Variants in GALNT13 observed in about 807,000 individuals in gnomAD.
The protein encoded by GALNT13 is polypeptide N-acetylgalactosaminyltransferase 13.
In GALNT13, 28 loss-of-function variants were observed where a neutral mutation model predicts 64.2. The ratio of observed to expected loss-of-function variants is 0.44; its 90% CI spans 0.32 to 0.60. GALNT13 has a LOEUF of 0.60. Ranked by LOEUF, GALNT13 falls within the 20% of genes least tolerant of loss-of-function variation. GALNT13 has a pLI of 0.05. For synonymous variants in GALNT13, 214 were observed against 224.6 expected, an observed-to-expected ratio of 0.95 and a Z score of 0.42; for missense variants, 577 against 669.8, an observed-to-expected ratio of 0.86 and a Z score of 1.53.
chr2:153,943,319 T>G (rs1415448629), intron 2 of GALNT13, among the ~76,000 whole-genome samples: 1 of 152,140 alleles, frequency 6.6e-6, no homozygotes, highest in Non-Finnish European at 1.5e-5. Flanking sequence ...CCCTGATAAA[T>G]TGGATGCGTG....
At chr2:153,663,909 A>G in the GALNT13 span, among the ~76,000 whole-genome samples, 1 of 152,164 alleles carries the variant, frequency 6.6e-6, no homozygotes, top group African/African-American at 2.4e-5. Context: ...GCTCAACTAA[A>G]TCATGCAAAT....
chr2:153,420,325 A>T, the GALNT13 span, among the ~76,000 whole-genome samples: 1 of 152,194 alleles, frequency 6.6e-6, no homozygotes. Context: ...GTACTCAAGA[A>T]TTAAAGCATT....
chr2:154,281,223 C>T (rs1450912896), intron 8 of GALNT13, among the ~76,000 whole-genome samples: 2 of 152,152 alleles, frequency 1.3e-5, no homozygotes, highest in Non-Finnish European at 1.5e-5. Flanking sequence ...ATTTCTTAAG[C>T]AGAACCATCT....
chr2:154,063,409 T>C (rs1700297275), intron 3 of GALNT13, among the ~76,000 whole-genome samples: 1 of 152,172 alleles, frequency 6.6e-6, no homozygotes, highest in African/African-American at 2.4e-5. Context: ...GCCTTCTCTT[T>C]TGCAAATTCC....
chr2:154,301,561 T>A lies in GALNT13; in HGVS notation c.1128T>A (p.Phe376Leu). The change falls in exon 9 of 13, where the codon TTT becomes TTA. Residue 376 changes from phenylalanine (F) to leucine (L), a missense_variant. Phe to Leu is a conservative substitution (Grantham distance 22). Coordinates refer to ENST00000392825, the MANE Select transcript of GALNT13 (RefSeq NM_052917.4). ...TGGCAGAAGTTTGGATGGATGAATT[T>A]AAAGATTTCTTCTACATCATATCCC... The part of the protein sequence containing the change: ...RRLAEVWMDE[F>L]KDFFYIISPG... 1 of 1,612,774 alleles carries A rather than the reference T, an allele frequency of 6.2e-7. No individual in the cohort carries two copies. The highest frequency in any genetic ancestry group is 8.5e-7 in the Non-Finnish European group (1 of 1,178,962).
intron 3 of GALNT13, among the ~76,000 whole-genome samples, chr2:153,993,572 C>CT (rs1695305110): frequency 6.6e-6 from 1 of 151,284 alleles, no homozygotes; most frequent in Non-Finnish European, 1.5e-5. Flanking sequence ...TGGCGGGCGC[C>CT]TGTAGTCTCA....
chr2:154,021,200 A>C (rs1697456239), intron 3 of GALNT13, among the ~76,000 whole-genome samples: 1 of 152,130 alleles, frequency 6.6e-6, no homozygotes. Flanking sequence ...TTTTGGTTCC[A>C]TATGAACTTT....
At chr2:154,308,742 TGAG>T (rs1031728718) in intron 9 of GALNT13, among the ~76,000 whole-genome samples, 29 of 152,154 alleles carry the variant, frequency 1.9e-4, no homozygotes, top group African/African-American at 6.8e-4. Flanking sequence ...TGTGGTATGA[TGAG>T]GAGAAAATTC....
chr2:153,681,186 C>T, the GALNT13 span, among the ~76,000 whole-genome samples: 1 of 151,840 alleles, frequency 6.6e-6, no homozygotes, highest in Non-Finnish European at 1.5e-5. Flanking sequence ...AGCCCCAGTC[C>T]TGCAGGAATT....
At chr2:153,501,058 TAC>T in the GALNT13 span, among the ~76,000 whole-genome samples, 1 of 136,864 alleles carries the variant, frequency 7.3e-6, no homozygotes, top group Non-Finnish European at 1.5e-5. Context: ...ATCCCAAAGT[TAC>T]CAGTAAAAAA....
chr2:154,132,410 A>G (rs1386827075), intron 3 of GALNT13, among the ~76,000 whole-genome samples: 1 of 152,142 alleles, frequency 6.6e-6, no homozygotes, highest in Non-Finnish European at 1.5e-5. Context: ...TTAGTATAAC[A>G]TGAACATCTC....
intron 3 of GALNT13, among the ~76,000 whole-genome samples, chr2:154,062,255 G>A (rs1574431689): frequency 6.6e-6 from 1 of 151,896 alleles, no homozygotes; most frequent in East Asian, 1.9e-4. Context: ...TTTATTTTGG[G>A]AATGTTTTTC....
At chr2:153,208,973 C>CT in the GALNT13 span, among the ~76,000 whole-genome samples, 289 of 74,664 alleles carry the variant, frequency 3.9e-3, 15 homozygotes, top group East Asian at 0.014. Flanking sequence ...TGGTTTTGGT[C>CT]TTTTTTTTTT....
the GALNT13 span, among the ~76,000 whole-genome samples, chr2:153,861,623 A>G: frequency 7.2e-6 from 1 of 139,132 alleles, no homozygotes; most frequent in African/African-American, 2.8e-5. Context: ...CTGGAGTGCA[A>G]TCATACGATC....
At chr2:154,139,488 G>A (rs763451100) in intron 3 of GALNT13, among the ~76,000 whole-genome samples, 75 of 151,772 alleles carry the variant, frequency 4.9e-4, no homozygotes, top group Non-Finnish European at 9.7e-4. Context: ...TGGAAGAGTC[G>A]AGACCAGAAC....
At chr2:154,077,698 A>G (rs888722346) in intron 3 of GALNT13, among the ~76,000 whole-genome samples, 3 of 151,490 alleles carry the variant, frequency 2.0e-5, no homozygotes. Flanking sequence ...GTTCTTAGTC[A>G]TTGACATCAA....
At chr2:154,286,727 A>G in intron 8 of GALNT13, 1 of 310,626 alleles carries the variant, frequency 3.2e-6, no homozygotes. Flanking sequence ...TGTGGCATAC[A>G]GGACATTGTG....
intron 3 of GALNT13, among the ~76,000 whole-genome samples, chr2:154,029,177 A>G (rs1698176129): frequency 8.4e-6 from 1 of 118,986 alleles, no homozygotes; most frequent in Non-Finnish European, 1.7e-5. Context: ...TATACAATTT[A>G]TTTTGTAAAT....
chr2:154,002,111 T>G (rs558936651), intron 3 of GALNT13, among the ~76,000 whole-genome samples: 2 of 152,220 alleles, frequency 1.3e-5, no homozygotes, highest in Admixed American at 1.3e-4. Context: ...TTGTCTTCAA[T>G]TTTTAATAAT....
Sources: allele counts gnomAD v4.1 joint callset (sites outside exome capture counted in the v4.1 genomes callset), GRCh38; gene constraint gnomAD v4.1.1; transcripts MANE v1.5; gene names NCBI Gene and HGNC (gene_info 2026-07-23, HGNC 2026-07-21).